KHDRBS2: variants seen among roughly 807,000 people sequenced by gnomAD.
KHDRBS2 encodes KH RNA binding domain containing, signal transduction associated 2, also known as KH domain-containing, RNA-binding, signal transduction-associated protein 2.
Under a neutral mutation model 44.3 loss-of-function variants are expected in KHDRBS2, and 26 were observed. That is an observed-to-expected ratio of 0.59 (90% CI 0.43 to 0.81). The LOEUF is 0.81. Among genes scored for constraint, KHDRBS2 ranks in the 40% least tolerant of loss-of-function variants. KHDRBS2 has a pLI of 0.00. For synonymous variants in KHDRBS2, 194 were observed against 151.1 expected, an observed-to-expected ratio of 1.28 and a Z score of -2.08; for missense variants, 476 against 433.1, an observed-to-expected ratio of 1.10 and a Z score of -0.88.
the KHDRBS2 span, among the ~76,000 whole-genome samples, chr6:61,602,669 T>G: frequency 6.6e-6 from 1 of 152,150 alleles, no homozygotes; most frequent in African/African-American, 2.4e-5. Flanking sequence ...CGTACCCTTC[T>G]TAATCAATAC....
At chr6:62,180,748 A>T (rs1448991867) in intron 1 of KHDRBS2, among the ~76,000 whole-genome samples, 1 of 151,892 alleles carries the variant, frequency 6.6e-6, no homozygotes, top group African/African-American at 2.4e-5. Context: ...TAATTTTGAG[A>T]AAATACACAA....
intron 4 of KHDRBS2, among the ~76,000 whole-genome samples, chr6:61,924,871 A>C (rs1314200803): frequency 6.6e-6 from 1 of 152,146 alleles, no homozygotes; most frequent in East Asian, 1.9e-4. Flanking sequence ...ATGATAAGCT[A>C]ACACTTGTAA....
At chr6:61,580,211 C>T in the KHDRBS2 span, among the ~76,000 whole-genome samples, 2 of 152,106 alleles carry the variant, frequency 1.3e-5, no homozygotes, top group African/African-American at 4.8e-5. Context: ...TCCCAGCCAC[C>T]AGTAAAAGTA....
At chr6:62,217,569 T>C (rs959302097) in intron 1 of KHDRBS2, among the ~76,000 whole-genome samples, 6 of 151,690 alleles carry the variant, frequency 4.0e-5, no homozygotes, top group African/African-American at 1.5e-4. Flanking sequence ...GCAGCAGAGA[T>C]TGAAAAATAA....
At chr6:61,712,176 G>C in intron 7 of KHDRBS2, among the ~76,000 whole-genome samples, 1 of 151,732 alleles carries the variant, frequency 6.6e-6, no homozygotes. Context: ...TGACTTTACT[G>C]TATCAGTTGA....
chr6:61,600,820 C>T, the KHDRBS2 span, among the ~76,000 whole-genome samples: 2 of 152,316 alleles, frequency 1.3e-5, no homozygotes, highest in African/African-American at 4.8e-5. Context: ...ACCTCTCTCA[C>T]TATCCCACAA....
chr6:61,919,512 T>C (rs564591018), intron 4 of KHDRBS2, among the ~76,000 whole-genome samples: 3 of 152,058 alleles, frequency 2.0e-5, no homozygotes, highest in Non-Finnish European at 2.9e-5. Flanking sequence ...ATCATTTTTG[T>C]AAACCAGCTA....
chr6:61,844,721 T>G (rs1385426955), intron 6 of KHDRBS2, among the ~76,000 whole-genome samples: 1 of 147,896 alleles, frequency 6.8e-6, no homozygotes, highest in Non-Finnish European at 1.5e-5. Context: ...GCTAATAGCA[T>G]TCATATATTC....
intron 4 of KHDRBS2, among the ~76,000 whole-genome samples, chr6:61,948,654 C>CATTATTATTATTATTATTATTATT (rs145017316): frequency 7.1e-6 from 1 of 141,600 alleles, no homozygotes; most frequent in South Asian, 2.3e-4. Context: ...TATATTCTCA[C>CATTATTATTATTATTATTATTATT]ATTATTATTA....
chr6:61,802,698 CA>C (rs1240575583), intron 6 of KHDRBS2, among the ~76,000 whole-genome samples: 1 of 152,108 alleles, frequency 6.6e-6, no homozygotes, highest in Non-Finnish European at 1.5e-5. Context: ...TAGGGAGTTA[CA>C]AATTTCTTTT....
intron 1 of KHDRBS2, among the ~76,000 whole-genome samples, chr6:62,237,178 A>T (rs1480545672): frequency 1.3e-5 from 2 of 152,196 alleles, no homozygotes; most frequent in South Asian, 2.1e-4. Flanking sequence ...CTTTTTAAAG[A>T]ACGTGTTAAG....
At chr6:62,052,516 A>T (rs1051391470) in intron 2 of KHDRBS2, among the ~76,000 whole-genome samples, 2 of 151,148 alleles carry the variant, frequency 1.3e-5, no homozygotes, top group African/African-American at 2.4e-5. Context: ...TAGGATGAAC[A>T]AGTCTAGAGA....
chr6:62,037,924 A>G (rs1785637122), intron 3 of KHDRBS2, among the ~76,000 whole-genome samples: 1 of 152,064 alleles, frequency 6.6e-6, no homozygotes, highest in African/African-American at 2.4e-5. Context: ...CTTTGCATAT[A>G]ATATTTTAAA....
intron 2 of KHDRBS2, among the ~76,000 whole-genome samples, chr6:62,161,739 T>A (rs998065639): frequency 6.6e-6 from 1 of 151,952 alleles, no homozygotes; most frequent in Admixed American, 6.6e-5. Context: ...TTTAGTTCAT[T>A]TTTTTTGTAG....
At chr6:61,591,752 A>G in the KHDRBS2 span, among the ~76,000 whole-genome samples, 6 of 152,196 alleles carry the variant, frequency 3.9e-5, no homozygotes, top group Non-Finnish European at 8.8e-5. Flanking sequence ...CACATCCCAA[A>G]TTTACCACAG....
At chr6:61,583,751 C>A in the KHDRBS2 span, among the ~76,000 whole-genome samples, 11 of 151,548 alleles carry the variant, frequency 7.3e-5, no homozygotes, top group East Asian at 9.7e-4. Flanking sequence ...TAGAAATAAT[C>A]TTGCTAATAT....
chr6:61,560,202 G>GT, the KHDRBS2 span, among the ~76,000 whole-genome samples: 54 of 152,080 alleles, frequency 3.6e-4, no homozygotes, highest in South Asian at 2.1e-3. Flanking sequence ...TATGTTATTT[G>GT]TTTTTTTACT....
At chr6:62,076,490 G>A (rs1360599002) in intron 2 of KHDRBS2, among the ~76,000 whole-genome samples, 5 of 152,004 alleles carry the variant, frequency 3.3e-5, no homozygotes, top group African/African-American at 4.8e-5. Flanking sequence ...GTGTAAATCA[G>A]TAGATAATGT....
intron 3 of KHDRBS2, among the ~76,000 whole-genome samples, chr6:62,038,184 T>C (rs1453283402): frequency 6.6e-6 from 1 of 152,082 alleles, no homozygotes; most frequent in African/African-American, 2.4e-5. Context: ...CATCAAAATA[T>C]GTAAATTTTT....
Sources: gnomAD v4.1 joint callset for allele counts (sites outside exome capture counted in the v4.1 genomes callset) on GRCh38, gnomAD v4.1.1 for gene constraint, MANE v1.5 for transcripts, NCBI Gene and HGNC (gene_info 2026-07-23, HGNC 2026-07-21) for gene names.